The following NCKAP5 variants were observed in gnomAD, a reference collection of about 807,000 sequenced individuals.
NCKAP5 encodes NCK associated protein 5.
In NCKAP5, 92 loss-of-function variants were observed where a neutral mutation model predicts 167.0. That is an observed-to-expected ratio of 0.55 (90% confidence interval 0.47 to 0.66). The LOEUF (loss-of-function observed/expected upper bound fraction) is 0.66. NCKAP5 is among the 30% of genes least tolerant of loss of function. NCKAP5 has a pLI of 0.00. For missense variants in NCKAP5, 2,378 were observed against 2,315.0 expected, an observed-to-expected ratio of 1.03 and a Z score of -0.56; for synonymous variants, 891 against 877.4, an observed-to-expected ratio of 1.02 and a Z score of -0.27.
At chr2:133,444,468 T>G (rs1691072892) in intron 3 of NCKAP5, among the ~76,000 whole-genome samples, 1 of 152,192 alleles carries the variant, frequency 6.6e-6, no homozygotes, top group South Asian at 2.1e-4. Context: ...TGCTTTAAAA[T>G]TGCTCTTAAT....
At chr2:132,975,723 A>G (rs1312352636) in intron 7 of NCKAP5, among the ~76,000 whole-genome samples, 3 of 152,138 alleles carry the variant, frequency 2.0e-5, no homozygotes, top group African/African-American at 7.2e-5. Flanking sequence ...AGAAAGTAAG[A>G]ATGCCATGTA....
At chr2:132,776,967 G>A (rs901636946) in intron 15 of NCKAP5, among the ~76,000 whole-genome samples, 1 of 152,112 alleles carries the variant, frequency 6.6e-6, no homozygotes, top group Admixed American at 6.5e-5. Flanking sequence ...AAACCAAGAA[G>A]TCTGCCAAAC....
chr2:133,528,340 T>C (rs1311727130), intron 2 of NCKAP5, among the ~76,000 whole-genome samples: 1 of 151,078 alleles, frequency 6.6e-6, no homozygotes, highest in Non-Finnish European at 1.5e-5. Context: ...TTTTTTCCCA[T>C]GTGTAGGTTG....
At chr2:132,812,145 C>G (rs183537430) in intron 11 of NCKAP5, among the ~76,000 whole-genome samples, 1 of 152,134 alleles carries the variant, frequency 6.6e-6, no homozygotes, top group African/African-American at 2.4e-5. Context: ...CCTGCAGGAG[C>G]GGTCGCTTCC....
chr2:133,621,271 C>T, the NCKAP5 span, among the ~76,000 whole-genome samples: 1 of 151,860 alleles, frequency 6.6e-6, no homozygotes, highest in Non-Finnish European at 1.5e-5. Flanking sequence ...GAACAAAGAT[C>T]AGAGCAGAAC....
intron 6 of NCKAP5, among the ~76,000 whole-genome samples, chr2:133,114,621 T>C (rs923887258): frequency 1.1e-4 from 17 of 152,186 alleles, no homozygotes; most frequent in Non-Finnish European, 1.8e-4. Flanking sequence ...AGGATCCAAA[T>C]AGGGTTCACC....
At chr2:132,702,840 A>AT (rs1044501651) in intron 19 of NCKAP5, among the ~76,000 whole-genome samples, 5 of 152,084 alleles carry the variant, frequency 3.3e-5, no homozygotes, top group Non-Finnish European at 2.9e-5. Flanking sequence ...TTGCAGAGTG[A>AT]TTTTTAGGAT....
At chr2:133,260,232 A>C (rs1281690724) in intron 4 of NCKAP5, among the ~76,000 whole-genome samples, 2 of 152,220 alleles carry the variant, frequency 1.3e-5, no homozygotes, top group Non-Finnish European at 2.9e-5. Flanking sequence ...TTTTAAGTCC[A>C]ACTCATTGCC....
chr2:133,167,414 T>C (rs2084044451), intron 5 of NCKAP5, among the ~76,000 whole-genome samples: 1 of 152,198 alleles, frequency 6.6e-6, no homozygotes, highest in Non-Finnish European at 1.5e-5. Flanking sequence ...GATGCAACAA[T>C]AATAAAAGCT....
chr2:132,860,586 A>G lies in NCKAP5; in HGVS notation c.713T>C (p.Leu238Ser), dbSNP rs2148713331. Reference sequence around the variant, plus strand: ...TTCCAAATCAAACACTCTTGTTTTCAACTTCACACATTCCTCTCTTAGATC... The same window carrying G: ...TTCCAAATCAAACACTCTTGTTTTCGACTTCACACATTCCTCTCTTAGATC... ...QKDLREECVK[L>S]KTRVFDLEQQ... The change falls in exon 11 of 20, where the codon TTG (leucine) becomes TCG (serine). Residue 238 changes from leucine (L) to serine (S), a missense_variant. Around this residue, in one of 3 missense-constraint regions of NCKAP5, gnomAD observed 1,049 missense variants for 1,023.4 expected, o/e 1.02. Transcript: ENST00000409261. 6.3e-7 allele frequency: 1 copy of G among 1,579,274 alleles called. No individual in the cohort carries two copies. Among genetic ancestry groups the G allele is most frequent in the Admixed American group, 1.8e-5 (1 of 55,260 alleles).
intron 19 of NCKAP5, 68 bp from the exon 20 acceptor site, chr2:132,673,373 T>C: frequency 8.0e-7 from 1 of 1,251,064 alleles, no homozygotes; most frequent in Non-Finnish European, 1.1e-6. Context: ...TATCTAATAT[T>C]CAATTATTGT....
intron 16 of NCKAP5, among the ~76,000 whole-genome samples, chr2:132,758,356 C>CGGG (rs1680727013): frequency 6.6e-6 from 1 of 152,166 alleles, no homozygotes; most frequent in African/African-American, 2.4e-5. Context: ...TGTAAATCTA[C>CGGG]AAGTCATTTG....
At chr2:133,579,110 T>C in the NCKAP5 span, among the ~76,000 whole-genome samples, 1 of 152,302 alleles carries the variant, frequency 6.6e-6, no homozygotes, top group Non-Finnish European at 1.5e-5. Context: ...CCTTTACATA[T>C]CTTAACTCAT....
chr2:133,647,158 A>C, the NCKAP5 span, among the ~76,000 whole-genome samples: 1 of 151,952 alleles, frequency 6.6e-6, no homozygotes, highest in African/African-American at 2.4e-5. Flanking sequence ...GCAACATAGC[A>C]AGACCCCTCT....
chr2:132,807,808 G>A (rs530615646), intron 11 of NCKAP5, among the ~76,000 whole-genome samples: 19 of 152,142 alleles, frequency 1.2e-4, no homozygotes, highest in Non-Finnish European at 1.8e-4. Flanking sequence ...AAGGAGTGGT[G>A]AGAGTGGGCA....
chr2:133,419,597 C>G (rs1689342195), intron 3 of NCKAP5, among the ~76,000 whole-genome samples: 1 of 152,144 alleles, frequency 6.6e-6, no homozygotes, highest in South Asian at 2.1e-4. Context: ...CATTACCACT[C>G]CCTAACGTCT....
chr2:133,533,833 CTTCA>C (rs138557063), intron 2 of NCKAP5, among the ~76,000 whole-genome samples: 250 of 152,096 alleles, frequency 1.6e-3, no homozygotes, highest in African/African-American at 5.7e-3. Context: ...AAAGTCTCTC[CTTCA>C]AAGACAATTT....
intron 3 of NCKAP5, among the ~76,000 whole-genome samples, chr2:133,469,393 T>A (rs989631602): frequency 6.6e-6 from 1 of 152,210 alleles, no homozygotes. Flanking sequence ...GTTAGTCTTA[T>A]GGGCTTCCCT....
At chr2:133,342,491 A>G (rs184392103) in intron 3 of NCKAP5, among the ~76,000 whole-genome samples, 16 of 152,322 alleles carry the variant, frequency 1.1e-4, no homozygotes, top group African/African-American at 3.8e-4. Flanking sequence ...TCCCATCCAG[A>G]GTAGGCTGTG....
Sources: allele counts gnomAD v4.1 joint callset (sites outside exome capture counted in the v4.1 genomes callset), GRCh38; gene constraint gnomAD v4.1.1; regional missense constraint gnomAD v4.1.1; transcripts MANE v1.5; gene names NCBI Gene and HGNC (gene_info 2026-07-23, HGNC 2026-07-21).